The following VRK1 variants were observed in gnomAD, a reference collection of about 807,000 sequenced individuals.
The protein encoded by VRK1 is serine/threonine-protein kinase VRK1.
VRK1 carries 33 observed loss-of-function variants against 57.1 expected under a neutral mutation model. The ratio of observed to expected loss-of-function variants is 0.58; its 90% CI spans 0.44 to 0.77. VRK1 has a LOEUF of 0.77. Ranked by LOEUF, VRK1 falls within the 30% of genes least tolerant of loss-of-function variation. VRK1 has a pLI of 0.00. For synonymous variants in VRK1, 137 were observed against 147.8 expected (o/e 0.93, Z 0.53); for missense variants, 413 against 477.3 (o/e 0.87, Z 1.25).
At chr14:96,855,379 A>G in intron 8 of VRK1, 23 bp downstream of exon 8, 1 of 1,613,924 alleles carries the variant, frequency 6.2e-7, no homozygotes, top group Non-Finnish European at 8.5e-7. Context: ...TACTGGAGTG[A>G]GAAATAGACT....
chr14:96,853,649 A>G (rs563081650), intron 7 of VRK1, among the ~76,000 whole-genome samples: 73 of 148,886 alleles, frequency 4.9e-4, no homozygotes, highest in African/African-American at 1.6e-3. Flanking sequence ...TCAAATGTGC[A>G]TTTTTTTTTT....
chr14:96,879,860 C>T (rs1595694134), intron 12 of VRK1, among the ~76,000 whole-genome samples: 1 of 151,302 alleles, frequency 6.6e-6, no homozygotes, highest in African/African-American at 2.4e-5. Flanking sequence ...ACCCAGGAGG[C>T]GGAGGTTGCC....
intron 11 of VRK1, among the ~76,000 whole-genome samples, chr14:96,865,183 G>GT (rs1388326993): frequency 8.5e-5 from 13 of 152,100 alleles, no homozygotes; most frequent in Non-Finnish European, 8.8e-5. Context: ...TTTCAAGAAA[G>GT]TTTATCTTAT....
chr14:96,852,470 A>T (rs1420441038), intron 5 of VRK1, among the ~76,000 whole-genome samples: 1 of 152,238 alleles, frequency 6.6e-6, no homozygotes, highest in Non-Finnish European at 1.5e-5. Flanking sequence ...TGATATCCAG[A>T]AACATGAATT....
intron 1 of VRK1, among the ~76,000 whole-genome samples, chr14:96,815,515 T>G (rs1229382329): frequency 6.6e-6 from 1 of 152,116 alleles, no homozygotes; most frequent in Non-Finnish European, 1.5e-5. Context: ...GTTTTATACA[T>G]TTTTAAAACT....
intron 10 of VRK1, chr14:96,858,973 A>C (rs1255362264): frequency 6.6e-6 from 1 of 152,160 alleles, no homozygotes; most frequent in Non-Finnish European, 1.5e-5. Context: ...TCTGTAGACC[A>C]ATTTGGGGAG....
chr14:96,846,570 TTGG>T (rs1313008516), intron 4 of VRK1, among the ~76,000 whole-genome samples: 1 of 152,006 alleles, frequency 6.6e-6, no homozygotes, highest in Non-Finnish European at 1.5e-5. Flanking sequence ...ACCTTTTAGA[TTGG>T]TATGAAAAAT....
chr14:96,860,843 T>C (rs1238305799), intron 11 of VRK1, 108 bp downstream of exon 11: 2 of 1,230,184 alleles, frequency 1.6e-6, no homozygotes, highest in Non-Finnish European at 1.1e-6. Context: ...ACAGATTGCA[T>C]GGCAATTAAG....
At chr14:96,808,788 A>G (rs765290243) in intron 1 of VRK1, among the ~76,000 whole-genome samples, 4 of 152,138 alleles carry the variant, frequency 2.6e-5, no homozygotes, top group Non-Finnish European at 5.9e-5. Context: ...TGCATAACAC[A>G]CTAGTTTTGA....
intron 1 of VRK1, among the ~76,000 whole-genome samples, chr14:96,815,730 A>C (rs1010533502): frequency 1.3e-5 from 2 of 151,816 alleles, no homozygotes; most frequent in African/African-American, 4.8e-5. Flanking sequence ...TAAAAAAAAA[A>C]AGAAACAGAA....
At chr14:96,807,098 A>G (rs1469949344) in intron 1 of VRK1, among the ~76,000 whole-genome samples, 1 of 152,226 alleles carries the variant, frequency 6.6e-6, no homozygotes, top group Non-Finnish European at 1.5e-5. Context: ...TACATGGGTC[A>G]CTGTTTGTTC....
intron 4 of VRK1, among the ~76,000 whole-genome samples, chr14:96,846,428 T>C (rs186180977): frequency 1.3e-5 from 2 of 152,170 alleles, no homozygotes; most frequent in Non-Finnish European, 1.5e-5. Flanking sequence ...TTGAGAATTA[T>C]TGATGAAATA....
chr14:96,809,566 C>CTTGCTTGCTTTTTTTTT (rs1566684408), intron 1 of VRK1, among the ~76,000 whole-genome samples: 1 of 136,776 alleles, frequency 7.3e-6, no homozygotes, highest in African/African-American at 2.7e-5. Context: ...TGCTTGCTTG[C>CTTGCTTGCTTTTTTTTT]TTTCTTTTTT....
At position 96,881,468 on chromosome 14, in the gene VRK1, C is replaced by T. The variant is rs551665250; in HGVS notation, c.*260C>T. ...CGTGTGTTTGTGATGTTTTGGAGTA[C>T]ATATATATGAAAATTATTATGACAC... On this transcript the variant is annotated 3_prime_UTR_variant, in exon 13 of 13. Transcript: ENST00000216639. The T allele has an allele frequency of 5.6e-6, 2 of 359,010 alleles. No individual in the cohort carries two copies. The highest frequency in any genetic ancestry group is 4.3e-5 in the Admixed American group (1 of 23,428). The allele number at this position is 359,010 out of a possible 1,614,324, so 22.2% of individuals were successfully genotyped here. A position where few individuals can be genotyped will look rare whatever the true frequency, so the allele number is the denominator to read the frequency against.
intron 11 of VRK1, among the ~76,000 whole-genome samples, chr14:96,864,620 C>T (rs765329487): frequency 2.6e-5 from 4 of 151,996 alleles, no homozygotes; most frequent in Non-Finnish European, 5.9e-5. Context: ...TGGGTCTGTA[C>T]GTACTGGGGT....
At chr14:96,828,721 T>G (rs1886894065) in intron 1 of VRK1, among the ~76,000 whole-genome samples, 1 of 152,150 alleles carries the variant, frequency 6.6e-6, no homozygotes, top group African/African-American at 2.4e-5. Flanking sequence ...AATAGCTCTA[T>G]ATGAGTATGT....
intron 2 of VRK1, among the ~76,000 whole-genome samples, chr14:96,835,555 G>A (rs1449590787): frequency 6.6e-6 from 1 of 152,122 alleles, no homozygotes; most frequent in Non-Finnish European, 1.5e-5. Context: ...GTCCAGGCCT[G>A]TAGCCACTGG....
intron 1 of VRK1, among the ~76,000 whole-genome samples, chr14:96,823,513 G>A (rs1886683226): frequency 6.6e-6 from 1 of 152,132 alleles, no homozygotes; most frequent in South Asian, 2.1e-4. Flanking sequence ...TGTGTGTATG[G>A]GGGCAGGAAT....
intron 1 of VRK1, among the ~76,000 whole-genome samples, chr14:96,813,428 A>G (rs1039991664): frequency 1.6e-4 from 24 of 152,188 alleles, no homozygotes; most frequent in African/African-American, 5.8e-4. Context: ...AGATAGTCTC[A>G]TTAAGTGCAT....
Sources: gnomAD v4.1 joint callset for allele counts (sites outside exome capture counted in the v4.1 genomes callset) on GRCh38, gnomAD v4.1.1 for gene constraint, MANE v1.5 for transcripts, NCBI Gene and HGNC (gene_info 2026-07-23, HGNC 2026-07-21) for gene names.